PDE4D: variants seen among roughly 807,000 people sequenced by gnomAD.
The protein encoded by PDE4D is phosphodiesterase 4D, also known as 3',5'-cyclic-AMP phosphodiesterase 4D.
A neutral mutation model predicts 87.4 loss-of-function variants in PDE4D; 24 were observed. That is an observed-to-expected ratio of 0.27 (90% CI 0.20 to 0.39). The LOEUF (loss-of-function observed/expected upper bound fraction) is 0.39, where lower values mean the gene tolerates loss of function less well. PDE4D is among the 10% of genes least tolerant of loss of function. The probability of loss-of-function intolerance (pLI) is 1.00; values close to 1 mark genes in which losing one functional copy is unlikely to be tolerated. For synonymous variants in PDE4D, 384 were observed against 383.2 expected, an observed-to-expected ratio of 1.00 and a Z score of -0.02; for missense variants, 714 against 1,041.0, an observed-to-expected ratio of 0.69 and a Z score of 4.32.
intron 1 of PDE4D, among the ~76,000 whole-genome samples, chr5:60,403,497 C>A (rs1238876560): frequency 2.0e-5 from 3 of 152,212 alleles, no homozygotes; most frequent in Non-Finnish European, 4.4e-5. Flanking sequence ...AGGTACAATT[C>A]AGTAGGGACA....
intron 1 of PDE4D, among the ~76,000 whole-genome samples, chr5:59,746,357 G>A (rs1759606676): frequency 6.6e-6 from 1 of 151,970 alleles, no homozygotes; most frequent in Non-Finnish European, 1.5e-5. Flanking sequence ...AAGATGACTG[G>A]GCAGACCTGG....
At chr5:59,682,687 T>A (rs914170873) in intron 1 of PDE4D, among the ~76,000 whole-genome samples, 1 of 152,176 alleles carries the variant, frequency 6.6e-6, no homozygotes, top group African/African-American at 2.4e-5. Context: ...AGGAGACAGC[T>A]ATTTATGAGC....
intron 1 of PDE4D, among the ~76,000 whole-genome samples, chr5:59,358,115 C>T (rs767104294): frequency 1.3e-5 from 2 of 152,206 alleles, no homozygotes; most frequent in Non-Finnish European, 2.9e-5. Flanking sequence ...AAGCTCAAGA[C>T]ATTAAACATT....
At chr5:59,339,928 G>GTTGTT (rs745501592) in intron 1 of PDE4D, among the ~76,000 whole-genome samples, 3 of 148,282 alleles carry the variant, frequency 2.0e-5, no homozygotes, top group African/African-American at 7.5e-5. Context: ...GGGTTTTTTT[G>GTTGTT]TTGTTTTGTT....
intron 1 of PDE4D, among the ~76,000 whole-genome samples, chr5:60,272,836 G>A (rs978015179): frequency 1.3e-5 from 2 of 152,104 alleles, no homozygotes; most frequent in African/African-American, 2.4e-5. Flanking sequence ...TGACTTCTCC[G>A]CTTATTTTAG....
At chr5:60,039,838 T>C (rs1366052764) in intron 2 of PDE4D, among the ~76,000 whole-genome samples, 2 of 152,180 alleles carry the variant, frequency 1.3e-5, no homozygotes, top group African/African-American at 4.8e-5. Flanking sequence ...TGTGCTAAGG[T>C]TCCTTTCTTT....
At chr5:60,495,363 G>T (rs1219188874) in intron 1 of PDE4D, among the ~76,000 whole-genome samples, 1 of 152,088 alleles carries the variant, frequency 6.6e-6, no homozygotes, top group African/African-American at 2.4e-5. Flanking sequence ...ATGACCCAAG[G>T]CACCTGCTAA....
At chr5:60,362,562 ATTATT>A (rs1438366002) in intron 1 of PDE4D, among the ~76,000 whole-genome samples, 4 of 152,306 alleles carry the variant, frequency 2.6e-5, no homozygotes, top group Admixed American at 2.0e-4. Context: ...GATAAGAAAT[ATTATT>A]TTATTTCTGG....
At chr5:59,103,578 C>T (rs996192598) in intron 5 of PDE4D, among the ~76,000 whole-genome samples, 1 of 152,000 alleles carries the variant, frequency 6.6e-6, no homozygotes, top group Non-Finnish European at 1.5e-5. Flanking sequence ...CTCCTTTAAA[C>T]AGGTTGTAGC....
intron 1 of PDE4D, among the ~76,000 whole-genome samples, chr5:60,462,950 CA>C (rs937830923): frequency 1.3e-5 from 2 of 152,108 alleles, no homozygotes; most frequent in Admixed American, 6.6e-5. Context: ...AGTTTTCCTA[CA>C]AAGTTTGCTC....
chr5:59,721,980 T>G (rs1755897173), intron 1 of PDE4D, among the ~76,000 whole-genome samples: 1 of 152,170 alleles, frequency 6.6e-6, no homozygotes. Flanking sequence ...CCCAGCCTTT[T>G]GACAGTCTAG....
At chr5:59,418,044 T>C (rs1793902358) in intron 1 of PDE4D, among the ~76,000 whole-genome samples, 1 of 152,194 alleles carries the variant, frequency 6.6e-6, no homozygotes, top group Non-Finnish European at 1.5e-5. Context: ...CATCATCTTG[T>C]ATTAGTTACC....
chr5:59,298,109 GA>G (rs1347346436), intron 1 of PDE4D, among the ~76,000 whole-genome samples: 1 of 139,240 alleles, frequency 7.2e-6, no homozygotes, highest in Non-Finnish European at 1.6e-5. Flanking sequence ...AGGCACAAGT[GA>G]AACTTTTTTT....
At chr5:59,356,816 T>C (rs1316828193) in intron 1 of PDE4D, 9 of 1,559,624 alleles carry the variant, frequency 5.8e-6, no homozygotes, top group African/African-American at 2.8e-5. Context: ...CCTGGCACCG[T>C]GGCTCCCAGA....
intron 2 of PDE4D, among the ~76,000 whole-genome samples, chr5:60,149,913 T>C (rs1196362519): frequency 1.4e-5 from 2 of 147,214 alleles, no homozygotes; most frequent in Non-Finnish European, 3.0e-5. Flanking sequence ...TAGTATATAA[T>C]TTATATATAA....
intron 2 of PDE4D, among the ~76,000 whole-genome samples, chr5:60,104,998 C>G (rs1776709148): frequency 1.3e-5 from 2 of 152,200 alleles, no homozygotes; most frequent in Admixed American, 1.3e-4. Flanking sequence ...AGCAATGGAA[C>G]AAAGCTGGAC....
intron 2 of PDE4D, among the ~76,000 whole-genome samples, chr5:60,119,443 G>T (rs1050141778): frequency 3.3e-5 from 5 of 152,176 alleles, no homozygotes; most frequent in African/African-American, 1.2e-4. Context: ...CTGAAGCAGA[G>T]ATTCAAATAA....
chr5:60,292,471 C>T (rs1752978414), intron 1 of PDE4D, among the ~76,000 whole-genome samples: 1 of 152,180 alleles, frequency 6.6e-6, no homozygotes, highest in Admixed American at 6.5e-5. Context: ...TATTGATTAA[C>T]TTGTAAACCT....
rs182173064 is a variant in PDE4D, at chr5:59,182,203, G to A, written c.759-1559C>T. On this transcript the variant is annotated intron_variant, in intron 4 of 14. Transcript: ENST00000340635. ...CAAAATATTAATATTTTAAGCAGCT[G>A]CTCTGAAATAGCTCTGGTCTATATA... 2.0e-5 allele frequency among the ~76,000 whole-genome samples: 3 copies of A among 152,020 alleles called. No homozygotes were observed. In the East Asian group the frequency reaches 5.8e-4, roughly 29 times the overall value.
Sources: gnomAD v4.1 joint callset for allele counts (sites outside exome capture counted in the v4.1 genomes callset) on GRCh38, gnomAD v4.1.1 for gene constraint, MANE v1.5 for transcripts, NCBI Gene and HGNC (gene_info 2026-07-23, HGNC 2026-07-21) for gene names.